GMPS: variants seen among roughly 807,000 people sequenced by gnomAD.
The protein encoded by GMPS is GMP synthase [glutamine-hydrolyzing].
Under a neutral mutation model 77.9 loss-of-function variants are expected in GMPS, and 15 were observed. That is an observed-to-expected ratio of 0.19 (90% confidence interval 0.13 to 0.30). The LOEUF is 0.30. Ranked by LOEUF, GMPS falls within the 10% of genes least tolerant of loss-of-function variation. The probability of loss-of-function intolerance (pLI) is 1.00; values close to 1 mark genes in which losing one functional copy is unlikely to be tolerated. For synonymous variants in GMPS, 224 were observed against 275.9 expected, an observed-to-expected ratio of 0.81 and a Z score of 1.86; for missense variants, 590 against 838.8, an observed-to-expected ratio of 0.70 and a Z score of 3.66.
intron 12 of GMPS, among the ~76,000 whole-genome samples, chr3:155,927,703 T>A (rs974136738): frequency 6.6e-6 from 1 of 152,190 alleles, no homozygotes. Context: ...TAAAAAAAAT[T>A]CTTTGTATTT....
intron 12 of GMPS, among the ~76,000 whole-genome samples, chr3:155,929,582 T>A (rs1310214667): frequency 6.7e-6 from 1 of 148,518 alleles, no homozygotes; most frequent in Non-Finnish European, 1.5e-5. Flanking sequence ...TTGTCCCTGT[T>A]TGCAGACAAC....
chr3:155,879,394 A>G (rs1292915556), intron 1 of GMPS, among the ~76,000 whole-genome samples: 1 of 151,204 alleles, frequency 6.6e-6, no homozygotes, highest in African/African-American at 2.4e-5. Flanking sequence ...CAGCCTCCCA[A>G]GTAGCTGGGA....
chr3:155,907,809 T>C (rs1754931168), intron 5 of GMPS, among the ~76,000 whole-genome samples: 1 of 152,128 alleles, frequency 6.6e-6, no homozygotes, highest in Non-Finnish European at 1.5e-5. Context: ...ACATTGGACA[T>C]GAAGAAAATA....
At chr3:155,874,901 C>CTTTTTTT (rs1171275758) in intron 1 of GMPS, among the ~76,000 whole-genome samples, 29 of 71,406 alleles carry the variant, frequency 4.1e-4, no homozygotes, top group Admixed American at 6.1e-4. Context: ...ACTTTGTTTT[C>CTTTTTTT]TTTTTTTTTT....
At chr3:155,883,962 G>T (rs1177618838) in intron 1 of GMPS, among the ~76,000 whole-genome samples, 3 of 152,042 alleles carry the variant, frequency 2.0e-5, no homozygotes, top group Non-Finnish European at 4.4e-5. Flanking sequence ...ATTGATACTG[G>T]TTTAAACCTA....
intron 1 of GMPS, among the ~76,000 whole-genome samples, chr3:155,876,489 G>A (rs574941672): frequency 4.9e-4 from 74 of 152,246 alleles, no homozygotes; most frequent in Non-Finnish European, 7.3e-4. Context: ...CATAGCCGAA[G>A]GTGGTATTAG....
chr3:155,920,569 C>T (rs1410975519), intron 10 of GMPS, among the ~76,000 whole-genome samples: 1 of 126,728 alleles, frequency 7.9e-6, no homozygotes, highest in Non-Finnish European at 1.6e-5. Flanking sequence ...AGCATGACTC[C>T]ATCTTAAAAA....
At chr3:155,927,526 A>G (rs1755487989) in intron 12 of GMPS, among the ~76,000 whole-genome samples, 1 of 152,152 alleles carries the variant, frequency 6.6e-6, no homozygotes, top group Non-Finnish European at 1.5e-5. Context: ...TTTTCCCACC[A>G]AAATAAAATT....
chr3:155,876,311 G>A (rs1577496439), intron 1 of GMPS, among the ~76,000 whole-genome samples: 2 of 152,260 alleles, frequency 1.3e-5, no homozygotes, highest in East Asian at 1.9e-4. Context: ...CATCACCCAA[G>A]ACTAGATAGA....
At chr3:155,886,610 A>ATTTTTT (rs1577503460) in intron 1 of GMPS, among the ~76,000 whole-genome samples, 2 of 100,448 alleles carry the variant, frequency 2.0e-5, no homozygotes, top group East Asian at 3.8e-4. Flanking sequence ...ATTCCTGATG[A>ATTTTTT]CTTTTTTTTT....
upstream of GMPS, chr3:155,870,628 G>A (rs575654843): frequency 3.6e-4 from 169 of 464,248 alleles, no homozygotes; most frequent in Non-Finnish European, 2.9e-4. Flanking sequence ...GGCCGGCCGG[G>A]GCGGAAGCAG....
At chr3:155,890,045 A>G (rs899828999) in intron 1 of GMPS, among the ~76,000 whole-genome samples, 1 of 152,190 alleles carries the variant, frequency 6.6e-6, no homozygotes, top group Non-Finnish European at 1.5e-5. Context: ...GTGAAGTGTG[A>G]GCAAATAAAT....
At chr3:155,923,670 C>T (rs996606758) in intron 11 of GMPS, among the ~76,000 whole-genome samples, 5 of 152,112 alleles carry the variant, frequency 3.3e-5, no homozygotes, top group Admixed American at 2.0e-4. Flanking sequence ...AAAGTTATTT[C>T]GAGATTAAAT....
intron 3 of GMPS, among the ~76,000 whole-genome samples, chr3:155,903,020 C>G (rs994954547): frequency 6.6e-6 from 1 of 152,110 alleles, no homozygotes; most frequent in Non-Finnish European, 1.5e-5. Flanking sequence ...ATATGCTACT[C>G]TGAGTTATAA....
At chr3:155,932,010 G>A (rs1049322962) in intron 13 of GMPS, 130 bp downstream of exon 13, 1 of 467,426 alleles carries the variant, frequency 2.1e-6, no homozygotes, top group Admixed American at 3.5e-5. Flanking sequence ...AGAGTAAATG[G>A]CTGTGTTTGT....
intron 12 of GMPS, among the ~76,000 whole-genome samples, chr3:155,929,200 TG>T (rs1489047422): frequency 6.6e-6 from 1 of 150,794 alleles, no homozygotes; most frequent in East Asian, 2.0e-4. Context: ...CAGCACCTGT[TG>T]TTTCCTGACT....
At chr3:155,876,795 A>C (rs1217493325) in intron 1 of GMPS, among the ~76,000 whole-genome samples, 1 of 152,234 alleles carries the variant, frequency 6.6e-6, no homozygotes, top group Non-Finnish European at 1.5e-5. Flanking sequence ...ATTATATAAT[A>C]AGAGTATTAT....
chr3:155,872,398 G>A (rs1753927652), intron 1 of GMPS, among the ~76,000 whole-genome samples: 1 of 152,126 alleles, frequency 6.6e-6, no homozygotes, highest in Non-Finnish European at 1.5e-5. Context: ...GCTCTTTCCC[G>A]ATTACTAGTC....
Position 155,893,604 on chromosome 3 carries a change from G to C in GMPS, c.114G>C (p.Gly38=). The part of the protein sequence containing the change: ...VVILDAGAQY[G]KVIDRRVREL... ...TTCTGGATGCTGGTGCTCAGTACGG[G>C]AAAGTCATAGACCGAAGAGTGAGGG... Residue 38 remains glycine, a synonymous_variant, in exon 2 of 16, where the codon GGG becomes GGC. Coordinates refer to ENST00000496455, the MANE Select transcript of GMPS (RefSeq NM_003875.3). The C allele has an allele frequency of 6.2e-7, 1 of 1,612,478 alleles. No homozygotes were observed. Among genetic ancestry groups the C allele is most frequent in the Non-Finnish European group, 8.5e-7 (1 of 1,178,502 alleles).
Sources: allele counts gnomAD v4.1 joint callset (sites outside exome capture counted in the v4.1 genomes callset), GRCh38; gene constraint gnomAD v4.1.1; transcripts MANE v1.5; gene names NCBI Gene and HGNC (gene_info 2026-07-23, HGNC 2026-07-21).